Variants in TMEM267 observed in about 807,000 individuals in gnomAD.
The protein encoded by TMEM267 is transmembrane protein 267.
Under a neutral mutation model 19.3 loss-of-function variants are expected in TMEM267, and 20 were observed. That is an observed-to-expected ratio of 1.04 (90% CI 0.73 to 1.51). TMEM267 has a LOEUF of 1.51. TMEM267 is among the 40% of genes most tolerant of loss of function. The pLI, the probability that TMEM267 is intolerant of heterozygous loss-of-function variation, is 0.00. For synonymous variants in TMEM267, 88 were observed against 90.3 expected (o/e 0.97, Z 0.15); for missense variants, 242 against 261.9 (o/e 0.92, Z 0.52).
intron 1 of TMEM267, among the ~76,000 whole-genome samples, chr5:43,466,249 C>G (rs1743664614): frequency 6.6e-6 from 1 of 152,008 alleles, no homozygotes; most frequent in Admixed American, 6.6e-5. Flanking sequence ...CTAAAAGCAG[C>G]AAGAGAAAAT....
chr5:43,473,086 C>T (rs1170136112), intron 1 of TMEM267, among the ~76,000 whole-genome samples: 6 of 134,090 alleles, frequency 4.5e-5, no homozygotes, highest in East Asian at 2.0e-4. Flanking sequence ...TGCAGCAAGA[C>T]GAGATCACGC....
intron 1 of TMEM267, chr5:43,480,076 G>A: frequency 3.7e-6 from 1 of 267,492 alleles, no homozygotes; most frequent in African/African-American, 2.3e-5. Flanking sequence ...AAAAATAAAT[G>A]CCCTTATCCA....
chr5:43,469,652 T>G (rs1204420254), intron 1 of TMEM267, among the ~76,000 whole-genome samples: 1 of 152,204 alleles, frequency 6.6e-6, no homozygotes, highest in Non-Finnish European at 1.5e-5. Flanking sequence ...ATAGCTAGTA[T>G]CATACTGTGA....
intron 1 of TMEM267, among the ~76,000 whole-genome samples, chr5:43,475,911 A>G (rs929765924): frequency 6.6e-6 from 1 of 152,206 alleles, no homozygotes; most frequent in Non-Finnish European, 1.5e-5. Flanking sequence ...TAGAGCTCTA[A>G]TGGCTTTGTA....
At chr5:43,448,483 A>C (rs1434119906) in intron 2 of TMEM267, among the ~76,000 whole-genome samples, 1 of 152,260 alleles carries the variant, frequency 6.6e-6, no homozygotes, top group East Asian at 1.9e-4. Context: ...CAGAAACAGA[A>C]TAAAAATATC....
intron 1 of TMEM267, among the ~76,000 whole-genome samples, chr5:43,480,865 C>T (rs1435245019): frequency 1.5e-5 from 2 of 133,434 alleles, no homozygotes; most frequent in East Asian, 4.3e-4. Flanking sequence ...TGCAGTGGCG[C>T]GATCTCGGCT....
chr5:43,455,484 TAACAA>T (rs1355357655), intron 1 of TMEM267, among the ~76,000 whole-genome samples: 1 of 151,526 alleles, frequency 6.6e-6, no homozygotes, highest in Admixed American at 6.6e-5. Flanking sequence ...ACATACAGAC[TAACAA>T]AACAGAATAC....
intron 1 of TMEM267, among the ~76,000 whole-genome samples, chr5:43,463,992 T>C (rs1197741626): frequency 6.6e-6 from 1 of 152,126 alleles, no homozygotes; most frequent in African/African-American, 2.4e-5. Flanking sequence ...GGGTATTCAA[T>C]TAGGAAAAGA....
At chr5:43,472,552 A>G (rs899040442) in intron 1 of TMEM267, among the ~76,000 whole-genome samples, 7 of 152,220 alleles carry the variant, frequency 4.6e-5, no homozygotes, top group African/African-American at 1.7e-4. Context: ...AGGGTCTATC[A>G]ACATATGAAT....
chr5:43,450,661 T>C (rs1742532540), intron 2 of TMEM267, among the ~76,000 whole-genome samples: 1 of 152,192 alleles, frequency 6.6e-6, no homozygotes, highest in African/African-American at 2.4e-5. Flanking sequence ...CTATAGTTCA[T>C]ATTCTTAACA....
In TMEM267 at chr5:43,456,818, T is replaced by C. The variant is rs576370945; in HGVS notation, c.-74-2775A>G. 1.2e-4 allele frequency among the ~76,000 whole-genome samples: 18 copies of C among 152,336 alleles called. No homozygotes were observed. The South Asian group carries it at 3.7e-3, about 32-fold the overall frequency. Reference sequence around the variant, plus strand: ...GTCGGAATAAAAAACAGTATGACTATTTTGGAAAAACAGTTTTCCAATTTC... The same window carrying C: ...GTCGGAATAAAAAACAGTATGACTACTTTGGAAAAACAGTTTTCCAATTTC... On this transcript the variant is annotated intron_variant, in intron 1 of 2. Transcript: ENST00000397080.
chr5:43,476,983 G>A (rs1252959833), intron 1 of TMEM267, among the ~76,000 whole-genome samples: 2 of 148,692 alleles, frequency 1.3e-5, no homozygotes, highest in African/African-American at 5.0e-5. Flanking sequence ...CTTGAGGCCA[G>A]GAGTTTGAAA....
chr5:43,460,575 C>G (rs1743201636), intron 1 of TMEM267, among the ~76,000 whole-genome samples: 1 of 151,812 alleles, frequency 6.6e-6, no homozygotes, highest in Non-Finnish European at 1.5e-5. Flanking sequence ...CACAGAAAAG[C>G]AAAAAACAGT....
intron 1 of TMEM267, among the ~76,000 whole-genome samples, chr5:43,462,474 T>G (rs553708053): frequency 9.2e-5 from 14 of 152,272 alleles, no homozygotes; most frequent in African/African-American, 3.1e-4. Flanking sequence ...AAAGAAGATA[T>G]GTGACTTTTC....
intron 1 of TMEM267, among the ~76,000 whole-genome samples, chr5:43,475,012 C>G (rs1744326483): frequency 6.6e-6 from 1 of 152,202 alleles, no homozygotes. Flanking sequence ...TTTGATCCAG[C>G]AATCCCATTC....
chr5:43,457,490 A>C (rs1448358164), intron 1 of TMEM267, among the ~76,000 whole-genome samples: 1 of 152,206 alleles, frequency 6.6e-6, no homozygotes, highest in Admixed American at 6.5e-5. Flanking sequence ...TGGAAGGTAA[A>C]GAGGAAGGAG....
chr5:43,451,136 T>C (rs527642825), intron 2 of TMEM267, among the ~76,000 whole-genome samples: 5 of 152,262 alleles, frequency 3.3e-5, no homozygotes, highest in African/African-American at 9.6e-5. Flanking sequence ...CCATTTACTG[T>C]TAATATTTAC....
intron 2 of TMEM267, among the ~76,000 whole-genome samples, chr5:43,450,962 G>A (rs1166581561): frequency 6.6e-6 from 1 of 152,066 alleles, no homozygotes; most frequent in East Asian, 1.9e-4. Context: ...AACCTCCCAA[G>A]TAGCTGGGAT....
chr5:43,479,422 G>C (rs527459491), intron 1 of TMEM267, among the ~76,000 whole-genome samples: 18 of 151,830 alleles, frequency 1.2e-4, no homozygotes, highest in East Asian at 5.8e-4. Context: ...ACTTTGAAAA[G>C]TTAAAGCCAG....
Sources: gnomAD v4.1 joint callset for allele counts (sites outside exome capture counted in the v4.1 genomes callset) on GRCh38, gnomAD v4.1.1 for gene constraint, MANE v1.5 for transcripts, NCBI Gene and HGNC (gene_info 2026-07-23, HGNC 2026-07-21) for gene names.